Variants in CFAP74 observed in about 807,000 individuals in gnomAD.
CFAP74 encodes the protein cilia- and flagella-associated protein 74.
Under a neutral mutation model 188.9 loss-of-function variants are expected in CFAP74, and 124 were observed. The ratio of observed to expected loss-of-function variants is 0.66; its 90% CI spans 0.57 to 0.76. The LOEUF is 0.76. CFAP74 is among the 30% of genes least tolerant of loss of function. CFAP74 has a pLI of 0.00. For missense variants in CFAP74, 2,198 were observed against 2,165.2 expected (o/e 1.02, Z -0.30); for synonymous variants, 956 against 916.7 (o/e 1.04, Z -0.77).
rs1352527664 is a variant in CFAP74, at chr1:1,970,683, C to T, written c.1022G>A (p.Arg341His). 1.6e-5 allele frequency: 26 copies of T among 1,611,482 alleles called. No homozygotes were observed. Among genetic ancestry groups the T allele is most frequent in the Admixed American group, 1.7e-5 (1 of 59,496 alleles). ...AFRHLVHQRR[R>H]QELEAQKRAF... Reference sequence around the variant, plus strand: ...CCTCTTCTGGGCCTCCAGCTCCTGGCGCCGGCGCTGGTGGACAAGGTGCCT... The same window carrying T: ...CCTCTTCTGGGCCTCCAGCTCCTGGTGCCGGCGCTGGTGGACAAGGTGCCT... Residue 341 changes from arginine to histidine, a missense_variant, in exon 10 of 39, where the codon CGC (arginine) becomes CAC (histidine). Coordinates refer to ENST00000682832, the MANE Select transcript of CFAP74 (RefSeq NM_001304360.2).
In CFAP74 at chr1:1,939,236, G is replaced by C. The variant is rs113110008; in HGVS notation, c.2878-248C>G. On this transcript the variant is annotated intron_variant, in intron 24 of 38. Coordinates refer to ENST00000682832, the MANE Select transcript of CFAP74 (RefSeq NM_001304360.2). Reference sequence around the variant, plus strand: ...CATATGTGTGTGTGTGCTGGGGGGAGAGAGAGGGAGGATGGCGGTGTTGGC... The same window carrying C: ...CATATGTGTGTGTGTGCTGGGGGGACAGAGAGGGAGGATGGCGGTGTTGGC... Among the ~76,000 whole-genome samples, 333 of 152,370 alleles carry C rather than the reference G, an allele frequency of 2.2e-3. 1 individual carries two copies. The highest frequency in any genetic ancestry group is 7.4e-3 in the African/African-American group (308 of 41,590).
At chr1:1,984,484 C>G (rs1455576205) in intron 6 of CFAP74, 1 of 152,320 alleles carries the variant, frequency 6.6e-6, no homozygotes, top group African/African-American at 2.4e-5. Context: ...CCACGCTCAG[C>G]CACAGCTGGG....
rs540063605 is a variant in CFAP74 at position 1,929,838 on chromosome 1, G to A, written c.3288+222C>T. ...CTCTCGGGGTCAGGCTGGACCAAGG[G>A]CACTGTGACCCCCCCCGATGGGGGT... On this transcript the variant is annotated intron_variant, in intron 26 of 38. Coordinates refer to ENST00000682832, the MANE Select transcript of CFAP74 (RefSeq NM_001304360.2). Among the ~76,000 whole-genome samples, 5 of 152,154 alleles carry A rather than the reference G, an allele frequency of 3.3e-5. No homozygotes were observed. The East Asian group carries it at 9.7e-4, about 29-fold the overall frequency.
chr1:1,954,852 C>G (rs1654434477), intron 18 of CFAP74: 1 of 1,151,938 alleles, frequency 8.7e-7, no homozygotes, highest in South Asian at 1.8e-5. Context: ...CAGGCATGAG[C>G]CCCAGCCAGG....
At chr1:1,970,506 T>A (rs13303126) in intron 10 of CFAP74, among the ~76,000 whole-genome samples, 153 bp downstream of exon 10, 60,551 of 152,096 alleles carry the variant, frequency 0.4, 12,954 homozygotes, top group East Asian at 0.48. Flanking sequence ...GGTAGCAGCC[T>A]GGAGCCCCTG....
intron 22 of CFAP74, among the ~76,000 whole-genome samples, chr1:1,941,045 A>G (rs548704416): frequency 3.3e-5 from 5 of 152,264 alleles, no homozygotes; most frequent in South Asian, 2.1e-4. Context: ...CCCGGGAGGC[A>G]GAGCTTGCAG....
At chr1:1,963,932 C>T (rs544350981) in intron 13 of CFAP74, 65 bp from the exon 14 acceptor site, 99 of 1,054,472 alleles carry the variant, frequency 9.4e-5, no homozygotes, top group South Asian at 8.5e-4. Flanking sequence ...AGCACCGAGG[C>T]AGCTTTGCCT....
intron 9 of CFAP74, 95 bp from the exon 10 acceptor site, chr1:1,970,911 G>A (rs1002743431): frequency 4.8e-6 from 7 of 1,444,854 alleles, no homozygotes; most frequent in Non-Finnish European, 6.7e-6. Context: ...GTTCATACAT[G>A]CACACGTGCA....
chr1:1,999,760 T>A (rs897008947), intron 1 of CFAP74, among the ~76,000 whole-genome samples: 17 of 151,796 alleles, frequency 1.1e-4, no homozygotes, highest in African/African-American at 4.1e-4. Flanking sequence ...GAGGTTGCAG[T>A]GAGCCAAGAT....
At chr1:1,981,274 C>T (rs924973997) in intron 6 of CFAP74, among the ~76,000 whole-genome samples, 7 of 152,208 alleles carry the variant, frequency 4.6e-5, no homozygotes, top group African/African-American at 1.4e-4. Flanking sequence ...TGCCCAGAGA[C>T]GACAAAAGGA....
intron 6 of CFAP74, among the ~76,000 whole-genome samples, chr1:1,977,021 A>AT (rs1168929794): frequency 5.6e-5 from 8 of 142,126 alleles, no homozygotes; most frequent in South Asian, 2.2e-4. Context: ...AATTTTTTGT[A>AT]TTTTTTTTAG....
At chr1:1,926,374 A>G (rs1483119919) in intron 31 of CFAP74, 27 bp from the exon 32 acceptor site, 2 of 1,549,802 alleles carry the variant, frequency 1.3e-6, no homozygotes, top group African/African-American at 2.7e-5. Flanking sequence ...AGGAGGGGAT[A>G]CAGGTGTCTG....
In CFAP74 at chr1:1,959,636, C is replaced by T. The variant is rs75308047; in HGVS notation, c.1761+328G>A. Among the ~76,000 whole-genome samples, 450 of 152,202 alleles carry T rather than the reference C, an allele frequency of 3.0e-3. 2 individuals are homozygous for T. Among genetic ancestry groups the T allele is most frequent in the African/African-American group, 0.01 (416 of 41,524 alleles). Reference sequence around the variant, plus strand: ...AGGGCCGCCTGCCACCTGCCCAGCTCGGGTGACCCCAGGGGAAAGAGTCAG... The same window carrying T: ...AGGGCCGCCTGCCACCTGCCCAGCTTGGGTGACCCCAGGGGAAAGAGTCAG... On this transcript the variant is annotated intron_variant, in intron 15 of 38. Coordinates refer to ENST00000682832, the MANE Select transcript of CFAP74 (RefSeq NM_001304360.2).
intron 12 of CFAP74, 86 bp from the exon 13 acceptor site, chr1:1,965,147 T>C: frequency 7.4e-7 from 1 of 1,345,462 alleles, no homozygotes. Flanking sequence ...GGGTAGCGGT[T>C]AGCAGAGCAC....
intron 28 of CFAP74, chr1:1,927,386 G>A (rs931103878): frequency 2.2e-5 from 13 of 586,074 alleles, no homozygotes; most frequent in East Asian, 1.4e-4. Flanking sequence ...CTCCCCACCC[G>A]TGGATTGAGG....
At chr1:1,991,897 G>A (rs933206547) in intron 1 of CFAP74, among the ~76,000 whole-genome samples, 39 of 151,856 alleles carry the variant, frequency 2.6e-4, no homozygotes, top group Admixed American at 4.6e-4. Context: ...AAAATTAGCC[G>A]GGCATGGTGG....
chr1:1,976,947 G>A (rs1656491159), intron 6 of CFAP74, among the ~76,000 whole-genome samples: 1 of 151,868 alleles, frequency 6.6e-6, no homozygotes, highest in Non-Finnish European at 1.5e-5. Context: ...CCGAGTTCAC[G>A]CCATTCTCCT....
In CFAP74 at chr1:1,955,719, G is replaced by GTCCAGCTTC. The variant is rs1558022865; in HGVS notation, c.2139_2147dup (p.Glu713_Leu715dup). The GTCCAGCTTC allele has an allele frequency of 1.9e-6, 3 of 1,613,890 alleles. No homozygotes were observed. Among genetic ancestry groups the GTCCAGCTTC allele is most frequent in the South Asian group, 2.2e-5 (2 of 91,082 alleles). ...CGGGCTGCTCCTCCTCCTGCTCCTT[G>GTCCAGCTTC]TCCAGCTTCTCCAGCTCCTTCCGGC... On this transcript the variant is annotated inframe_insertion, in exon 18 of 39. Coordinates refer to ENST00000682832, the MANE Select transcript of CFAP74 (RefSeq NM_001304360.2).
chr1:1,948,927 T>C (rs1430068824), intron 18 of CFAP74, among the ~76,000 whole-genome samples: 14 of 12,730 alleles, frequency 1.1e-3, no homozygotes, highest in East Asian at 2.9e-3. Flanking sequence ...TTTCCTTCCT[T>C]CCTCTTTCCT....
Sources: allele counts gnomAD v4.1 joint callset (sites outside exome capture counted in the v4.1 genomes callset), GRCh38; gene constraint gnomAD v4.1.1; transcripts MANE v1.5; gene names NCBI Gene and HGNC (gene_info 2026-07-23, HGNC 2026-07-21).